DMD: variants seen among roughly 807,000 people sequenced by gnomAD.
DMD encodes mutant dystrophin.
A neutral mutation model predicts 330.1 loss-of-function variants in DMD; 63 were observed. That is an observed-to-expected ratio of 0.19 (90% CI 0.16 to 0.24). The LOEUF (loss-of-function observed/expected upper bound fraction) is 0.24, where lower values mean the gene tolerates loss of function less well. Ranked by LOEUF, DMD falls within the 10% of genes least tolerant of loss-of-function variation. The pLI, the probability that DMD is intolerant of heterozygous loss-of-function variation, is 1.00. For missense variants in DMD, 3,344 were observed against 2,684.1 expected, an observed-to-expected ratio of 1.25 and a Z score of -5.43; for synonymous variants, 1,223 against 959.8, an observed-to-expected ratio of 1.27 and a Z score of -5.07.
chrX:32,413,866 A>ACCTG (rs1186930511), intron 29 of DMD, among the ~76,000 whole-genome samples: 18 of 109,406 alleles, frequency 1.6e-4, no homozygotes, highest in Admixed American at 1.4e-3. Context: ...GATTACAGGT[A>ACCTG]CCTGCCACCA....
At chrX:32,153,910 T>A (rs1017235148) in intron 44 of DMD, among the ~76,000 whole-genome samples, 4 of 112,181 alleles carry the variant, frequency 3.6e-5, no homozygotes, top group Non-Finnish European at 7.5e-5. Context: ...AAAATATCAA[T>A]CTGCAATTCT....
rs898990160 is a variant in DMD at position 32,277,282 on chromosome X, C to A, written c.6290+10247G>T. Among the ~76,000 whole-genome samples the A allele has an allele frequency of 1.5e-4, 17 of 111,264 alleles. 2 individuals are homozygous for A. The highest frequency in any genetic ancestry group is 1.3e-3 in the Admixed American group (14 of 10,484). The stretch of plus-strand genomic sequence containing the variant: ...AACACTGGAGTATATATATATAAAG[C>A]AAATATATATACAACACTGGAGTAC... On this transcript the variant is annotated intron_variant, in intron 43 of 78. Coordinates refer to ENST00000357033, the MANE Select transcript of DMD (RefSeq NM_004006.3).
intron 12 of DMD, among the ~76,000 whole-genome samples, chrX:32,604,247 T>C (rs773971448): frequency 3.5e-4 from 39 of 110,636 alleles, no homozygotes; most frequent in African/African-American, 1.2e-3. Context: ...TGGTGCAATA[T>C]ATGCAGAGCA....
intron 9 of DMD, among the ~76,000 whole-genome samples, chrX:32,677,425 C>A (rs2062047573): frequency 9.0e-6 from 1 of 111,253 alleles, no homozygotes; most frequent in Admixed American, 9.6e-5. Context: ...AAAAGAAATA[C>A]AAGACCAAAG....
At chrX:31,284,842 A>ACC (rs1404752348) in intron 62 of DMD, among the ~76,000 whole-genome samples, 1 of 107,297 alleles carries the variant, frequency 9.3e-6, no homozygotes, top group Non-Finnish European at 1.9e-5. Context: ...ACACACACAC[A>ACC]CACACACACA....
At chrX:31,751,545 T>C (rs2088573350) in intron 51 of DMD, among the ~76,000 whole-genome samples, 1 of 112,022 alleles carries the variant, frequency 8.9e-6, no homozygotes, top group Admixed American at 9.5e-5. Context: ...AGCTGGACAC[T>C]TTTCCCTTTT....
intron 6 of DMD, among the ~76,000 whole-genome samples, chrX:32,812,835 T>A (rs1375573328): frequency 9.0e-6 from 1 of 111,517 alleles, no homozygotes; most frequent in African/African-American, 3.3e-5. Context: ...TATAAAAAAA[T>A]TTAAAAATTG....
At chrX:31,838,348 A>C (rs1474060747) in intron 48 of DMD, among the ~76,000 whole-genome samples, 1 of 112,273 alleles carries the variant, frequency 8.9e-6, no homozygotes, top group Non-Finnish European at 1.9e-5. Context: ...GATTTAAGAA[A>C]AGGAAAAAAA....
intron 55 of DMD, among the ~76,000 whole-genome samples, chrX:31,529,667 C>G (rs1247477509): frequency 8.9e-6 from 1 of 111,954 alleles, no homozygotes; most frequent in South Asian, 3.7e-4. Context: ...GAACGGAAAG[C>G]AGAGAAAGGC....
In DMD at chrX:33,146,825, C is replaced by CT. The variant is rs201870628; in HGVS notation, c.31+64456dup. 7.6e-3 allele frequency among the ~76,000 whole-genome samples: 807 copies of CT among 106,849 alleles called. 8 individuals carry two copies. Among genetic ancestry groups the CT allele is most frequent in the African/African-American group, 0.025 (733 of 29,099 alleles). 92.8% of individuals were successfully genotyped at this position (106,849 alleles called of 115,157 possible). A position where few individuals can be genotyped will look rare whatever the true frequency, so the allele number is the denominator to read the frequency against. ...TTTTGTTGAAGACAAATTAATAAAT[C>CT]TTTTTTTTTTCTTTTTGAGACGAGT... On this transcript the variant is annotated intron_variant, in intron 1 of 78. Coordinates refer to ENST00000357033, the MANE Select transcript of DMD (RefSeq NM_004006.3).
At chrX:32,230,760 T>G (rs968685383) in intron 43 of DMD, among the ~76,000 whole-genome samples, 1 of 111,679 alleles carries the variant, frequency 9.0e-6, no homozygotes, top group African/African-American at 3.2e-5. Context: ...ATTTGTGAAA[T>G]AGGCATAATA....
intron 47 of DMD, among the ~76,000 whole-genome samples, chrX:31,887,533 C>T (rs1189340268): frequency 8.9e-6 from 1 of 112,013 alleles, no homozygotes; most frequent in African/African-American, 3.2e-5. Context: ...TCTTTTCCCT[C>T]AATAAAATAT....
chrX:31,815,694 C>A (rs757938895), intron 50 of DMD, among the ~76,000 whole-genome samples: 9 of 111,631 alleles, frequency 8.1e-5, no homozygotes, highest in Non-Finnish European at 1.9e-5. Flanking sequence ...AATATGCATA[C>A]CCCTTTGATA....
intron 1 of DMD, among the ~76,000 whole-genome samples, chrX:33,203,016 AT>A (rs2051367711): frequency 9.0e-6 from 1 of 111,637 alleles, no homozygotes; most frequent in Non-Finnish European, 1.9e-5. Context: ...ATTAGATTGA[AT>A]TACTCAAATG....
At chrX:33,071,094 T>C (rs2094748220) in intron 1 of DMD, among the ~76,000 whole-genome samples, 1 of 111,237 alleles carries the variant, frequency 9.0e-6, no homozygotes, top group Non-Finnish European at 1.9e-5. Flanking sequence ...ACTTTATCAC[T>C]TACTAATTAT....
At chrX:33,060,571 G>A (rs942043274) in intron 1 of DMD, among the ~76,000 whole-genome samples, 4 of 111,228 alleles carry the variant, frequency 3.6e-5, no homozygotes, top group African/African-American at 1.3e-4. Flanking sequence ...GGTGGCTCAC[G>A]CCTGTAATCG....
chrX:32,841,128 T>G, intron 4 of DMD, among the ~76,000 whole-genome samples: 1 of 111,692 alleles, frequency 9.0e-6, no homozygotes, highest in Non-Finnish European at 1.9e-5. Flanking sequence ...AATTTAAATT[T>G]CCTCAAGTTA....
intron 44 of DMD, among the ~76,000 whole-genome samples, chrX:32,167,738 C>T (rs1338122243): frequency 8.9e-6 from 1 of 111,822 alleles, no homozygotes; most frequent in African/African-American, 3.3e-5. Flanking sequence ...GGCACGAAGG[C>T]CTTTAATGTT....
In DMD at chrX:33,273,527, G is replaced by A. The variant is rs193264939; in HGVS notation, c.7+65732C>T. Among the ~76,000 whole-genome samples, 9 of 112,077 alleles carry A rather than the reference G, an allele frequency of 8.0e-5. No individual in the cohort carries two copies. In the East Asian group the frequency reaches 2.3e-3, roughly 28 times the overall value. On this transcript the variant is annotated intron_variant, in intron 1 of 17. Coordinates refer to the DMD transcript ENST00000288447. ...CCTGCATCTCTAACTAATCTAATCC[G>A]GTTCTTGACTTCAAATATCAAATGA...
Sources: allele counts gnomAD v4.1 joint callset (sites outside exome capture counted in the v4.1 genomes callset), GRCh38; gene constraint gnomAD v4.1.1; transcripts MANE v1.5; gene names NCBI Gene and HGNC (gene_info 2026-07-23, HGNC 2026-07-21).